The following PIEZO2 variants were observed in gnomAD, a reference collection of about 807,000 sequenced individuals.
PIEZO2 encodes piezo type mechanosensitive ion channel component 2, also known as piezo-type mechanosensitive ion channel component 2.
Under a neutral mutation model 337.3 loss-of-function variants are expected in PIEZO2, and 172 were observed. That is an observed-to-expected ratio of 0.51 (90% CI 0.45 to 0.58). PIEZO2 has a LOEUF of 0.58. Ranked by LOEUF, PIEZO2 falls within the 20% of genes least tolerant of loss-of-function variation. The probability of loss-of-function intolerance (pLI) is 0.00; values close to 1 mark genes in which losing one functional copy is unlikely to be tolerated. For synonymous variants in PIEZO2, 1,251 were observed against 1,228.5 expected, an observed-to-expected ratio of 1.02 and a Z score of -0.38; for missense variants, 3,028 against 3,391.3, an observed-to-expected ratio of 0.89 and a Z score of 2.66.
chr18:11,127,803 A>ATGTGTGTGTGTGTGTGTGTGTG lies in PIEZO2; in HGVS notation c.64+20700_64+20721dup, dbSNP rs34849868. On this transcript the variant is annotated intron_variant, in intron 1 of 55. Coordinates refer to ENST00000674853, the MANE Select transcript of PIEZO2 (RefSeq NM_001378183.1). The surrounding 1 kb of genome is among the most constrained non-coding windows in gnomAD (Gnocchi z 4.5). ...TGCATATACGTGTGTGTGTGTGTGC[A>ATGTGTGTGTGTGTGTGTGTGTG]TGTGTGTGTGTGTGTGTGTGTGTAT... Among the ~76,000 whole-genome samples the ATGTGTGTGTGTGTGTGTGTGTG allele has an allele frequency of 2.7e-5, 4 of 146,756 alleles. No individual in the cohort carries two copies. The highest frequency in any genetic ancestry group is 1.0e-4 in the African/African-American group (4 of 39,482).
At chr18:11,050,841 A>T (rs1025216754) in intron 2 of PIEZO2, among the ~76,000 whole-genome samples, 1 of 151,510 alleles carries the variant, frequency 6.6e-6, no homozygotes, top group African/African-American at 2.4e-5. Flanking sequence ...ATGCAAGGAA[A>T]TATATCTGGG....
intron 26 of PIEZO2, 127 bp from the exon 27 acceptor site, chr18:10,758,261 T>A: frequency 8.9e-7 from 1 of 1,127,930 alleles, no homozygotes; most frequent in Non-Finnish European, 1.2e-6. Flanking sequence ...CCAAAGTTCA[T>A]AGTAAAATTC....
chr18:10,715,546 G>T, intron 38 of PIEZO2, 104 bp downstream of exon 38: 1 of 1,095,214 alleles, frequency 9.1e-7, no homozygotes, highest in Non-Finnish European at 1.2e-6. Flanking sequence ...ACAACTGCCT[G>T]GAAAGAAAGG....
chr18:11,100,722 A>C (rs2039390758), intron 1 of PIEZO2, among the ~76,000 whole-genome samples: 1 of 152,112 alleles, frequency 6.6e-6, no homozygotes, highest in East Asian at 1.9e-4. Context: ...CAGCCTCCCA[A>C]GTAGCTGGGA....
rs140270260 is a variant in PIEZO2, at chr18:11,041,363, C to T, written c.160+24764G>A. ...ATAAAGAGAAAGAGAAATTAAACAC[C>T]GAGCTCAGAAGCTGTGAAAGTCTGT... On this transcript the variant is annotated intron_variant, in intron 2 of 55. Coordinates refer to ENST00000674853, the MANE Select transcript of PIEZO2 (RefSeq NM_001378183.1). Among the ~76,000 whole-genome samples the T allele has an allele frequency of 2.0e-3, 301 of 152,190 alleles. 2 individuals are homozygous for T. Among genetic ancestry groups the T allele is most frequent in the Non-Finnish European group, 3.4e-3 (234 of 68,004 alleles).
chr18:10,973,948 G>A lies in PIEZO2; in HGVS notation c.286+5587C>T, dbSNP rs971085438. On this transcript the variant is annotated intron_variant, in intron 3 of 55. Transcript: ENST00000674853. The surrounding 1 kb of genome is among the most constrained non-coding windows in gnomAD (Gnocchi z 4.9). ...TGTGTGAGAATGGAATTATTTGTAT[G>A]AGGATGGATCCACCAGGTGATTCTG... 6.6e-6 allele frequency among the ~76,000 whole-genome samples: 1 copy of A among 152,194 alleles called. No homozygotes were observed. Among genetic ancestry groups the A allele is most frequent in the African/African-American group, 2.4e-5 (1 of 41,448 alleles).
intron 4 of PIEZO2, among the ~76,000 whole-genome samples, chr18:10,880,960 T>C (rs1469237157): frequency 1.4e-5 from 2 of 146,158 alleles, no homozygotes; most frequent in East Asian, 4.0e-4. Context: ...TAGCAAGTCA[T>C]GTGTGTGGCA....
intron 44 of PIEZO2, 131 bp from the exon 45 acceptor site, chr18:10,698,011 A>ACGGATGCATTTGTGAACAATTACTG (rs1555626660): frequency 3.7e-5 from 8 of 214,372 alleles, no homozygotes; most frequent in Non-Finnish European, 5.2e-5. Context: ...ATGAGTATGC[A>ACGGATGCATTTGTGAACAATTACTG]CGGCCTTGGG....
At chr18:11,020,721 G>A (rs1178333508) in intron 2 of PIEZO2, among the ~76,000 whole-genome samples, 1 of 152,112 alleles carries the variant, frequency 6.6e-6, no homozygotes, top group African/African-American at 2.4e-5. Context: ...ATTTCACAAA[G>A]TGAGCTCTTT....
chr18:10,735,643 C>G (rs2036966341), intron 34 of PIEZO2, among the ~76,000 whole-genome samples: 1 of 152,170 alleles, frequency 6.6e-6, no homozygotes, highest in Non-Finnish European at 1.5e-5. Flanking sequence ...GATAAGCCAG[C>G]TGCAAACATG....
chr18:11,067,945 G>A lies in PIEZO2; in HGVS notation c.65-1723C>T, dbSNP rs75348565. Among the ~76,000 whole-genome samples the A allele has an allele frequency of 4.3e-4, 66 of 152,204 alleles. No homozygotes were observed. In the South Asian group the frequency reaches 4.4e-3, roughly 10 times the overall value. On this transcript the variant is annotated intron_variant, in intron 1 of 55. Coordinates refer to ENST00000674853, the MANE Select transcript of PIEZO2 (RefSeq NM_001378183.1). ...TTTGTTTGTTTGTTTGTTTTGAGACGGAGTCTTGCTCTGTCCCCCAGGCTG... is the reference window on the plus strand; with the variant it reads ...TTTGTTTGTTTGTTTGTTTTGAGACAGAGTCTTGCTCTGTCCCCCAGGCTG...
intron 4 of PIEZO2, among the ~76,000 whole-genome samples, chr18:10,876,531 CTT>C (rs754207784): frequency 2.0e-5 from 3 of 152,124 alleles, no homozygotes; most frequent in Admixed American, 6.5e-5. Flanking sequence ...TTTAATAAGT[CTT>C]TAATAATTTG....
chr18:10,753,721 A>G (rs533124500), intron 27 of PIEZO2, among the ~76,000 whole-genome samples: 4 of 152,372 alleles, frequency 2.6e-5, no homozygotes, highest in African/African-American at 9.6e-5. Flanking sequence ...GTAATTGCTT[A>G]ATAAAATATG....
chr18:10,715,398 G>A (rs1333890021), intron 38 of PIEZO2, among the ~76,000 whole-genome samples: 1 of 152,162 alleles, frequency 6.6e-6, no homozygotes, highest in African/African-American at 2.4e-5. Context: ...TGCAAACTGT[G>A]GTGAGGGGAG....
At position 10,759,181 on chromosome 18, in the gene PIEZO2, C is replaced by A. The variant is rs544456811; in HGVS notation, c.3757+301G>T. 2.4e-4 allele frequency among the ~76,000 whole-genome samples: 36 copies of A among 150,068 alleles called. No homozygotes were observed. The South Asian group carries it at 7.7e-3, about 32-fold the overall frequency. ...ACAAAAGCCTTCCTCTCTGGTCTGTCTTTTGAAAGGTGGCTGTGTAAATGT... is the reference window on the plus strand; with the variant it reads ...ACAAAAGCCTTCCTCTCTGGTCTGTATTTTGAAAGGTGGCTGTGTAAATGT... On this transcript the variant is annotated intron_variant, in intron 26 of 55. Coordinates refer to ENST00000674853, the MANE Select transcript of PIEZO2 (RefSeq NM_001378183.1). This position sits in a 1 kb window ranked among gnomAD's most constrained non-coding sequence, Gnocchi z 5.5.
At position 10,936,581 on chromosome 18, in the gene PIEZO2, G is replaced by C. The variant is rs376672603; in HGVS notation, c.287-25353C>G. ...TGCTAGTTGGCTAATTCTTCTGGAT[G>C]GGGGGATGTTAAGGGCCTGGCAGAT... is the stretch of plus-strand genomic sequence containing the variant. On this transcript the variant is annotated intron_variant, in intron 3 of 55. Coordinates refer to ENST00000674853, the MANE Select transcript of PIEZO2 (RefSeq NM_001378183.1). Among the ~76,000 whole-genome samples, 20 of 152,228 alleles carry C rather than the reference G, an allele frequency of 1.3e-4. No individual in the cohort carries two copies. The South Asian group carries it at 3.1e-3, about 24-fold the overall frequency.
At chr18:11,073,862 T>TTA (rs1235507420) in intron 1 of PIEZO2, among the ~76,000 whole-genome samples, 2 of 151,674 alleles carry the variant, frequency 1.3e-5, no homozygotes, top group Non-Finnish European at 2.9e-5. Context: ...TTTTTTTTTT[T>TTA]TTGAGACAGA....
chr18:10,789,436 G>A, intron 14 of PIEZO2, 71 bp from the exon 15 acceptor site: 2 of 1,445,864 alleles, frequency 1.4e-6, no homozygotes, highest in Non-Finnish European at 1.8e-6. Flanking sequence ...CCATGTGATA[G>A]GTATAGGATG....
chr18:10,848,958 C>A (rs12457875), intron 7 of PIEZO2, among the ~76,000 whole-genome samples: 14,997 of 152,150 alleles, frequency 0.099, 1,580 homozygotes, highest in African/African-American at 0.26. Context: ...ATAAGCAAAC[C>A]AACAAAAAGC....
Sources: gnomAD v4.1 joint callset for allele counts (sites outside exome capture counted in the v4.1 genomes callset) on GRCh38, gnomAD v4.1.1 for gene constraint, Gnocchi (gnomAD v3.1) non-coding constraint, MANE v1.5 for transcripts, NCBI Gene and HGNC (gene_info 2026-07-23, HGNC 2026-07-21) for gene names.